Variants in ACKR5 observed in about 807,000 individuals in gnomAD.
ACKR5 encodes the protein G protein-coupled receptor 182.
chr12:56,995,741 T>G, the ACKR5 span: 4 of 1,613,808 alleles, frequency 2.5e-6, no homozygotes, highest in Admixed American at 5.0e-5. This position sits in a 1 kb window ranked among gnomAD's most constrained non-coding sequence, Gnocchi z 4.7. Context: ...TGCAGGCATC[T>G]GGGTCCTCTC....
chr12:56,996,062 G>A, the ACKR5 span: 1 of 1,612,208 alleles, frequency 6.2e-7, no homozygotes, highest in South Asian at 1.1e-5. Context: ...CACACTGCAT[G>A]GGACCCACAT....
the ACKR5 span, chr12:56,998,576 G>A: frequency 6.6e-6 from 1 of 152,218 alleles, no homozygotes; most frequent in African/African-American, 2.4e-5. Flanking sequence ...CACGGGCAGG[G>A]ACCCACCACT....
chr12:56,995,491 C>G, the ACKR5 span: 12 of 1,614,056 alleles, frequency 7.4e-6, no homozygotes, highest in Non-Finnish European at 1.0e-5. This position sits in a 1 kb window ranked among gnomAD's most constrained non-coding sequence, Gnocchi z 4.7. Flanking sequence ...ACATCCTCAA[C>G]ATGGCCATCG....
At chr12:56,994,683 C>T in the ACKR5 span, 2 of 156,624 alleles carry the variant, frequency 1.3e-5, no homozygotes, top group Non-Finnish European at 2.8e-5. Flanking sequence ...AGATGGGAAT[C>T]AGGGCTTGGA....
At chr12:56,995,539 G>C in the ACKR5 span, 1 of 1,613,992 alleles carries the variant, frequency 6.2e-7, no homozygotes. The surrounding 1 kb of genome is among the most constrained non-coding windows in gnomAD (Gnocchi z 4.7). Context: ...CCGTGTGGAT[G>C]CTGGAGGTCA....
chr12:56,995,909 A>G, the ACKR5 span: 3 of 1,612,650 alleles, frequency 1.9e-6, no homozygotes, highest in South Asian at 3.3e-5. The surrounding 1 kb of genome is among the most constrained non-coding windows in gnomAD (Gnocchi z 4.7). Flanking sequence ...CTTCCCTCTC[A>G]TCACAGTCTT....
At chr12:56,997,644 C>T in the ACKR5 span, 4 of 152,202 alleles carry the variant, frequency 2.6e-5, no homozygotes, top group South Asian at 2.1e-4. Flanking sequence ...ATCTAGTTTC[C>T]GCCTTCCAAT....
chr12:56,996,366 A>T, the ACKR5 span: 1 of 1,612,314 alleles, frequency 6.2e-7, no homozygotes, highest in Non-Finnish European at 8.5e-7. Context: ...TTTCAGGCAC[A>T]CCATTTGCTT....
At chr12:56,997,843 C>A in the ACKR5 span, 15 of 152,210 alleles carry the variant, frequency 9.9e-5, no homozygotes, top group Non-Finnish European at 2.1e-4. Flanking sequence ...TCTGTGGATG[C>A]ACTGACAGCG....
At chr12:56,995,906 C>G in the ACKR5 span, 5 of 1,612,730 alleles carry the variant, frequency 3.1e-6, no homozygotes, top group Non-Finnish European at 4.2e-6. The surrounding 1 kb of genome is among the most constrained non-coding windows in gnomAD (Gnocchi z 4.7). Context: ...GCCCTTCCCT[C>G]TCATCACAGT....
At chr12:56,996,061 T>A in the ACKR5 span, 1 of 1,612,332 alleles carries the variant, frequency 6.2e-7, no homozygotes, top group Middle Eastern at 1.6e-4. Context: ...TCACACTGCA[T>A]GGGACCCACA....
chr12:56,995,859 C>T, the ACKR5 span: 15 of 1,612,426 alleles, frequency 9.3e-6, no homozygotes, highest in Non-Finnish European at 1.2e-5. The surrounding 1 kb of genome is among the most constrained non-coding windows in gnomAD (Gnocchi z 4.7). Flanking sequence ...TGGGCCCTGG[C>T]GGTGGCCCTG....
the ACKR5 span, chr12:56,995,103 C>G: frequency 2.1e-4 from 208 of 1,008,460 alleles, no homozygotes; most frequent in African/African-American, 2.9e-3. The surrounding 1 kb of genome is among the most constrained non-coding windows in gnomAD (Gnocchi z 4.7). Flanking sequence ...GAATCTTTCC[C>G]CAAAGCCCCC....
the ACKR5 span, chr12:56,996,431 G>A: frequency 2.6e-5 from 40 of 1,560,356 alleles, no homozygotes; most frequent in Non-Finnish European, 3.4e-5. Context: ...CTGAGGTAGA[G>A]GCCAGACTCC....
At chr12:56,998,068 T>C in the ACKR5 span, 1 of 152,204 alleles carries the variant, frequency 6.6e-6, no homozygotes, top group Non-Finnish European at 1.5e-5. Flanking sequence ...AAAAAGACTT[T>C]CCTCTCTTGT....
At chr12:56,995,413 G>T in the ACKR5 span, 2 of 1,614,218 alleles carry the variant, frequency 1.2e-6, no homozygotes, top group Non-Finnish European at 1.7e-6. The surrounding 1 kb of genome is among the most constrained non-coding windows in gnomAD (Gnocchi z 4.7). Flanking sequence ...TGGTTGGGCT[G>T]GTGGAGAACC....
At chr12:56,995,711 C>T in the ACKR5 span, 6 of 1,613,590 alleles carry the variant, frequency 3.7e-6, no homozygotes, top group South Asian at 2.2e-5. The surrounding 1 kb of genome is among the most constrained non-coding windows in gnomAD (Gnocchi z 4.7). Flanking sequence ...TTACCAGCAC[C>T]GAGTGCGGCG....
the ACKR5 span, chr12:56,995,583 C>T: frequency 6.2e-7 from 1 of 1,614,170 alleles, no homozygotes; most frequent in Admixed American, 1.7e-5. The surrounding 1 kb of genome is among the most constrained non-coding windows in gnomAD (Gnocchi z 4.7). Flanking sequence ...GGCAGCTTCT[C>T]CTGCCGCTTC....
At chr12:56,995,899 C>T in the ACKR5 span, 3 of 1,612,494 alleles carry the variant, frequency 1.9e-6, no homozygotes, top group Non-Finnish European at 2.5e-6. This position sits in a 1 kb window ranked among gnomAD's most constrained non-coding sequence, Gnocchi z 4.7. Flanking sequence ...TCCTGCTGCC[C>T]TTCCCTCTCA....
Sources: allele counts gnomAD v4.1 joint callset, GRCh38; gene constraint gnomAD v4.1.1; non-coding constraint Gnocchi (gnomAD v3.1); transcripts MANE v1.5; gene names NCBI Gene and HGNC (gene_info 2026-07-23, HGNC 2026-07-21).